The following TATDN2 variants were observed in gnomAD, a reference collection of about 807,000 sequenced individuals.
TATDN2 encodes the protein TatD DNase domain containing 2, also known as 3'-5' RNA nuclease TATDN2.
Under a neutral mutation model 60.3 loss-of-function variants are expected in TATDN2, and 44 were observed. That is an observed-to-expected ratio of 0.73 (90% CI 0.57 to 0.94). TATDN2 has a LOEUF of 0.94. Ranked by LOEUF, TATDN2 falls within the 40% of genes least tolerant of loss-of-function variation. The pLI is 0.00. For missense variants in TATDN2, 997 were observed against 948.0 expected (o/e 1.05, Z -0.68); for synonymous variants, 399 against 355.8 (o/e 1.12, Z -1.37).
rs867601453 is a variant in TATDN2, at chr3:10,262,826, C to T, written c.948+2156C>T. Reference sequence around the variant, plus strand: ...CTGAGATTACAGGTGTAAGCCACTTCGCCTGGCCTCTTCTGGTTTTCTTGA... The same window carrying T: ...CTGAGATTACAGGTGTAAGCCACTTTGCCTGGCCTCTTCTGGTTTTCTTGA... On this transcript the variant is annotated intron_variant, in intron 3 of 7. Coordinates refer to ENST00000448281, the MANE Select transcript of TATDN2 (RefSeq NM_014760.4). Among the ~76,000 whole-genome samples, 14 of 152,194 alleles carry T rather than the reference C, an allele frequency of 9.2e-5. No homozygotes were observed. The East Asian group carries it at 1.7e-3, about 19-fold the overall frequency.
At chr3:10,267,982 A>G (rs566556039) in intron 3 of TATDN2, among the ~76,000 whole-genome samples, 5 of 152,380 alleles carry the variant, frequency 3.3e-5, no homozygotes, top group African/African-American at 1.2e-4. Flanking sequence ...ATTTTCTGTT[A>G]TAACCGAGAT....
At chr3:10,260,767 T>C in intron 3 of TATDN2, 97 bp downstream of exon 3, 1 of 1,421,986 alleles carries the variant, frequency 7.0e-7, no homozygotes. Context: ...TAATTAAAAA[T>C]AGTACTTTAC....
chr3:10,268,693 A>G (rs242376), intron 3 of TATDN2, among the ~76,000 whole-genome samples: 28,720 of 152,132 alleles, frequency 0.19, 3,674 homozygotes, highest in African/African-American at 0.36. Context: ...TTAAAATGCT[A>G]CCCAGTTGAT....
chr3:10,249,142 G>A (rs1310593795), intron 1 of TATDN2, 53 bp from the exon 2 acceptor site: 1 of 1,481,838 alleles, frequency 6.7e-7, no homozygotes. Context: ...GGAATCTGAG[G>A]TGGGGTCGCC....
Position 10,270,267 on chromosome 3 carries a change from C to T in TATDN2, c.1085C>T (p.Ser362Phe), listed in dbSNP as rs1255695165. ...LKPSAVPEPS[S>F]FTTDYVMYPP... ...CCTTCAGCCGTTCCGGAGCCTTCTT[C>T]CTTCACCACCGACTATGTCATGTAC... The change falls in exon 4 of 8, where the codon TCC becomes TTC. Residue 362 changes from serine to phenylalanine, a missense_variant. Coordinates refer to ENST00000448281, the MANE Select transcript of TATDN2 (RefSeq NM_014760.4). 2.5e-6 allele frequency: 4 copies of T among 1,614,188 alleles called. No individual in the cohort carries two copies. Among genetic ancestry groups the T allele is most frequent in the Non-Finnish European group, 2.5e-6 (3 of 1,180,042 alleles).
chr3:10,249,066 A>C lies in TATDN2; in HGVS notation c.-8A>C. On this transcript the variant is annotated splice_region_variant and 5_prime_UTR_variant, in exon 1 of 8. Coordinates refer to ENST00000448281, the MANE Select transcript of TATDN2 (RefSeq NM_014760.4). Reference sequence around the variant, plus strand: ...GATGGGCAGTGGAAAGAAGAGGGAAAGGTCAGTGAGGCTAGCCCCTGGCTC... The same window carrying C: ...GATGGGCAGTGGAAAGAAGAGGGAACGGTCAGTGAGGCTAGCCCCTGGCTC... 1 of 1,007,526 alleles carries C rather than the reference A, an allele frequency of 9.9e-7. No individual in the cohort carries two copies. The highest frequency in any genetic ancestry group is 1.7e-5 in the African/African-American group (1 of 60,440). The allele number at this position is 1,007,526 out of a possible 1,614,324, so 62.4% of individuals were successfully genotyped here.
rs529268928 is a variant in TATDN2, at chr3:10,260,371, C to G, written c.649C>G (p.His217Asp). Reference protein sequence around the residue: ...ATRAKPSAAEHPSHGEGPARS... With the variant: ...ATRAKPSAAEDPSHGEGPARS... ...TCGGGCAAAACCAAGCGCAGCAGAG[C>G]ATCCCAGCCATGGAGAAGGACCAGC... Residue 217 changes from histidine to aspartate, a missense_variant, in exon 3 of 8, where the codon CAT (histidine) becomes GAT (aspartate). By Grantham distance (81) the His-to-Asp change is moderately conservative (BLOSUM62 -1). Transcript: ENST00000448281. 1 of 1,614,036 alleles carries G rather than the reference C, an allele frequency of 6.2e-7. No individual in the cohort carries two copies. The highest frequency in any genetic ancestry group is 1.3e-5 in the African/African-American group (1 of 74,910).
rs779848486 is a variant in TATDN2 at position 10,278,316 on chromosome 3, C to T, written c.1999C>T (p.Leu667=). The change falls in exon 6 of 8, where the codon CTG becomes TTG. Residue 667 remains leucine (L), a synonymous_variant. Transcript: ENST00000448281. This position sits in a 1 kb window ranked among gnomAD's most constrained non-coding sequence, Gnocchi z 4.7. The part of the protein sequence containing the change: ...FTGSYPVIEP[L]LKYFPNMSVG... ...CGGCAGCTACCCGGTCATTGAGCCCCTGCTGAAGTACTTTCCCAACATGTC... is the reference window on the plus strand; with the variant it reads ...CGGCAGCTACCCGGTCATTGAGCCCTTGCTGAAGTACTTTCCCAACATGTC... The T allele has an allele frequency of 1.2e-6, 2 of 1,614,172 alleles. No individual in the cohort carries two copies. The highest frequency in any genetic ancestry group is 1.1e-5 in the South Asian group (1 of 91,082).
At chr3:10,276,573 C>A in intron 5 of TATDN2, 85 bp downstream of exon 5, 40 of 1,462,776 alleles carry the variant, frequency 2.7e-5, no homozygotes, top group Non-Finnish European at 3.4e-5. Flanking sequence ...CGTATTCTGT[C>A]ATTATACACT....
chr3:10,249,549 C>G lies in TATDN2; in HGVS notation c.349C>G (p.Leu117Val), dbSNP rs765089984. The change falls in exon 2 of 8, where the codon CTG becomes GTG. Residue 117 changes from leucine to valine, a missense_variant. Coordinates refer to ENST00000448281, the MANE Select transcript of TATDN2 (RefSeq NM_014760.4). The part of the protein sequence containing the change: ...RGFLSSGGSP[L>V]RPANASLEEM... ...GTTCCTGTCTTCAGGGGGATCCCCT[C>G]TGCGTCCTGCCAACGCCTCTTTGGA... 5.7e-6 allele frequency: 9 copies of G among 1,571,088 alleles called. No homozygotes were observed. Among genetic ancestry groups the G allele is most frequent in the South Asian group, 1.2e-5 (1 of 85,672 alleles).
At chr3:10,266,931 CTTTTTTTT>C (rs199956355) in intron 3 of TATDN2, among the ~76,000 whole-genome samples, 1 of 126,904 alleles carries the variant, frequency 7.9e-6, no homozygotes, top group Non-Finnish European at 1.6e-5. Flanking sequence ...CTAAGGCAGT[CTTTTTTTT>C]TTTTTTTTTG....
At chr3:10,275,381 T>G (rs1384415471) in intron 4 of TATDN2, among the ~76,000 whole-genome samples, 1 of 152,144 alleles carries the variant, frequency 6.6e-6, no homozygotes, top group Non-Finnish European at 1.5e-5. Context: ...GATTTAAAAG[T>G]GGGTAGTGTT....
In TATDN2 at chr3:10,270,849, T is replaced by C. The variant is rs1190073012; in HGVS notation, c.1667T>C (p.Leu556Pro). The change falls in exon 4 of 8, where the codon CTG (leucine) becomes CCG (proline). Residue 556 changes from leucine (L) to proline (P), a missense_variant. Coordinates refer to ENST00000448281, the MANE Select transcript of TATDN2 (RefSeq NM_014760.4). ...TGGGAGGAGCTGTTGAAAGAGGATC[T>C]GGTCTGGGGGGCCTTTGGCTGTCAC... The part of the protein sequence containing the change: ...CLWEELLKED[L>P]VWGAFGCHPH... 36 of 1,614,214 alleles carry C rather than the reference T, an allele frequency of 2.2e-5. No individual in the cohort carries two copies. Among genetic ancestry groups the C allele is most frequent in the Non-Finnish European group, 3.1e-5 (36 of 1,180,028 alleles).
intron 4 of TATDN2, among the ~76,000 whole-genome samples, chr3:10,275,841 G>A (rs1698629000): frequency 6.6e-6 from 1 of 152,192 alleles, no homozygotes; most frequent in Admixed American, 6.5e-5. Flanking sequence ...AGTACCTTCT[G>A]AGAGCCAGGC....
rs774434984 is a variant in TATDN2 at position 10,270,463 on chromosome 3, C to G, written c.1281C>G (p.Val427=). ...SDYSPNSTGS[V]QNTSRDMEAS... ...ATTCCCCCAACTCTACAGGGAGTGTCCAAAACACCTCCAGAGACATGGAGG... is the reference window on the plus strand; with the variant it reads ...ATTCCCCCAACTCTACAGGGAGTGTGCAAAACACCTCCAGAGACATGGAGG... The change falls in exon 4 of 8, where the codon GTC becomes GTG. Residue 427 remains valine (V), a synonymous_variant. Transcript: ENST00000448281. 21 of 1,614,188 alleles carry G rather than the reference C, an allele frequency of 1.3e-5. No individual in the cohort carries two copies. Among genetic ancestry groups the G allele is most frequent in the East Asian group, 4.5e-5 (2 of 44,890 alleles).
intron 2 of TATDN2, among the ~76,000 whole-genome samples, chr3:10,257,230 G>A (rs995120895): frequency 6.6e-6 from 1 of 150,778 alleles, no homozygotes; most frequent in Non-Finnish European, 1.5e-5. Flanking sequence ...AGGTTGCAGC[G>A]AGCTGAGGTT....
At chr3:10,273,287 G>A (rs779717561) in intron 4 of TATDN2, among the ~76,000 whole-genome samples, 13 of 152,120 alleles carry the variant, frequency 8.5e-5, no homozygotes, top group Non-Finnish European at 1.3e-4. Context: ...CTGGGTGGGG[G>A]ATATGGACAC....
Position 10,270,317 on chromosome 3 carries a change from TGG to T in TATDN2, c.1136_1137del (p.Trp379LeufsTer2). The T allele has an allele frequency of 6.2e-7, 1 of 1,614,196 alleles. No homozygotes were observed. The highest frequency in any genetic ancestry group is 1.7e-5 in the Admixed American group (1 of 60,028). On this transcript the variant is annotated frameshift_variant, in exon 4 of 8. Coordinates refer to ENST00000448281, the MANE Select transcript of TATDN2 (RefSeq NM_014760.4). LOFTEE classifies it high-confidence loss of function. ...CCCTCCTCATTTGTACAGTAGTCCT[TGG>T]TGTGACTACGCCAGCTATTGGACCA... The part of the protein sequence containing the change: ...MYPPHLYSSP[W>X]CDYASYWTSS...
intron 3 of TATDN2, among the ~76,000 whole-genome samples, chr3:10,267,515 A>G (rs1050128770): frequency 6.6e-6 from 1 of 152,090 alleles, no homozygotes; most frequent in Non-Finnish European, 1.5e-5. Flanking sequence ...GTATGTGGCA[A>G]TTTTTAAATG....
Sources: gnomAD v4.1 joint callset for allele counts (sites outside exome capture counted in the v4.1 genomes callset) on GRCh38, gnomAD v4.1.1 for gene constraint, Gnocchi (gnomAD v3.1) non-coding constraint, MANE v1.5 for transcripts, NCBI Gene and HGNC (gene_info 2026-07-23, HGNC 2026-07-21) for gene names.